Variants in ALOX12 observed in about 807,000 individuals in gnomAD.
ALOX12 encodes the protein arachidonate 12-lipoxygenase, 12S type.
Under a neutral mutation model 85.5 loss-of-function variants are expected in ALOX12, and 62 were observed. The ratio of observed to expected loss-of-function variants is 0.73; its 90% confidence interval spans 0.59 to 0.90. ALOX12 has a LOEUF of 0.90. Ranked by LOEUF, ALOX12 falls within the 40% of genes least tolerant of loss-of-function variation. The pLI is 0.00. For synonymous variants in ALOX12, 299 were observed against 332.7 expected, an observed-to-expected ratio of 0.90 and a Z score of 1.10; for missense variants, 751 against 856.5, an observed-to-expected ratio of 0.88 and a Z score of 1.54.
At position 7,006,692 on chromosome 17, in the gene ALOX12, C is replaced by T. The variant is rs1387783299; in HGVS notation, c.1540+85C>T. On this transcript the variant is annotated intron_variant, in intron 11 of 13. Coordinates refer to ENST00000251535, the MANE Select transcript of ALOX12 (RefSeq NM_000697.3). Reference sequence around the variant, plus strand: ...AGCCCTGCCCTTCTGGGGACAGGACCCCAGCCTCTCATCACGCCTCCCTTC... The same window carrying T: ...AGCCCTGCCCTTCTGGGGACAGGACTCCAGCCTCTCATCACGCCTCCCTTC... 1.4e-5 allele frequency: 21 copies of T among 1,486,894 alleles called. No homozygotes were observed. In the African/African-American group the frequency reaches 2.8e-4, roughly 20 times the overall value. 92.1% of individuals were successfully genotyped at this position (1,486,894 alleles called of 1,614,324 possible).
intron 8 of ALOX12, chr17:7,002,299 C>G: frequency 2.9e-6 from 1 of 343,710 alleles, no homozygotes; most frequent in Non-Finnish European, 5.7e-6. Flanking sequence ...CATACCTGCC[C>G]AACAGTAAGG....
chr17:7,002,181 G>T, intron 8 of ALOX12: 1 of 327,648 alleles, frequency 3.1e-6, no homozygotes. Flanking sequence ...AAATCACAAG[G>T]GACAGCCTAT....
At chr17:7,004,050 ATTT>A (rs1477454592) in intron 8 of ALOX12, among the ~76,000 whole-genome samples, 1 of 122,168 alleles carries the variant, frequency 8.2e-6, no homozygotes, top group Non-Finnish European at 1.7e-5. Context: ...ATATTTTAAT[ATTT>A]TTAATTTAAT....
chr17:7,007,124 C>G (rs1457773900), intron 11 of ALOX12, among the ~76,000 whole-genome samples: 1 of 152,200 alleles, frequency 6.6e-6, no homozygotes, highest in Non-Finnish European at 1.5e-5. Flanking sequence ...CAAGCTCAAT[C>G]CTATACATGC....
chr17:7,010,202 C>T (rs765475683), intron 13 of ALOX12, 42 bp from the exon 14 acceptor site: 11 of 1,601,144 alleles, frequency 6.9e-6, no homozygotes, highest in East Asian at 4.5e-5. Flanking sequence ...GCTCTAGGTG[C>T]GTTTGTCTTT....
intron 11 of ALOX12, among the ~76,000 whole-genome samples, chr17:7,008,900 T>G (rs12325805): frequency 0.099 from 15,067 of 152,104 alleles, 1,061 homozygotes; most frequent in Admixed American, 0.26. Context: ...TAATTCTGTC[T>G]GGGAATAGGA....
intron 1 of ALOX12, 132 bp from the exon 2 acceptor site, chr17:6,996,694 G>A (rs1401736539): frequency 1.7e-6 from 2 of 1,147,362 alleles, no homozygotes; most frequent in African/African-American, 1.6e-5. Flanking sequence ...AGGTTGTGCG[G>A]GGGCGGGAAC....
chr17:6,996,062 G>T lies in ALOX12; in HGVS notation c.-56G>T. The T allele has an allele frequency of 8.1e-7, 1 of 1,237,088 alleles. No homozygotes were observed. The highest frequency in any genetic ancestry group is 1.0e-6 in the Non-Finnish European group (1 of 986,050). 76.6% of individuals were successfully genotyped at this position (1,237,088 alleles called of 1,614,324 possible). A position where few individuals can be genotyped will look rare whatever the true frequency, so the allele number is the denominator to read the frequency against. The stretch of plus-strand genomic sequence containing the variant: ...CCCCGAGGCGCCGGCAGCCCTGGGC[G>T]GTCCCGGGAATCGCACAGGACCCGG... On this transcript the variant is annotated 5_prime_UTR_variant, in exon 1 of 14. Transcript: ENST00000251535.
chr17:7,000,424 C>A lies in ALOX12; in HGVS notation c.896C>A (p.Pro299His). Residue 299 changes from proline to histidine, a missense_variant, in exon 7 of 14, where the codon CCC becomes CAC. Physicochemically the swap from Pro to His is moderately conservative, Grantham distance 77. Transcript: ENST00000251535. The surrounding 1 kb of genome is among the most constrained non-coding windows in gnomAD (Gnocchi z 4.6). ...IRGEKQYLAA[P>H]LVMLKMEPNG... ...GGAGAGAAGCAATACCTGGCTGCCC[C>A]CCTCGTTATGCTGAAGATGGAGCCC... 6.2e-7 allele frequency: 1 copy of A among 1,614,092 alleles called. No homozygotes were observed. The highest frequency in any genetic ancestry group is 8.5e-7 in the Non-Finnish European group (1 of 1,180,016).
Position 7,001,801 on chromosome 17 carries a change from C to T in ALOX12, c.1151C>T (p.Pro384Leu). The T allele has an allele frequency of 1.2e-6, 2 of 1,613,846 alleles. No homozygotes were observed. The highest frequency in any genetic ancestry group is 1.7e-6 in the Non-Finnish European group (2 of 1,179,736). Residue 384 changes from proline (P) to leucine (L), a missense_variant, in exon 8 of 14, where the codon CCC (proline) becomes CTC (leucine). Coordinates refer to ENST00000251535, the MANE Select transcript of ALOX12 (RefSeq NM_000697.3). ...ATMRCLPGLH[P>L]IFKFLIPHIR... ...ATGCGGTGCCTCCCAGGACTGCACC[C>T]CATCTTCAAGGTACTTATTAATCTA...
intron 11 of ALOX12, chr17:7,009,350 C>T (rs1317063787): frequency 3.1e-5 from 6 of 192,976 alleles, no homozygotes; most frequent in East Asian, 1.4e-4. Context: ...TGAGCCACCG[C>T]GCCCGGCCGC....
intron 11 of ALOX12, among the ~76,000 whole-genome samples, chr17:7,009,195 G>A (rs1031275486): frequency 1.3e-5 from 2 of 151,902 alleles, no homozygotes; most frequent in African/African-American, 4.8e-5. Context: ...GAGTACCTGG[G>A]ACTACAGGTG....
chr17:7,009,059 T>C (rs1348881338), intron 11 of ALOX12, among the ~76,000 whole-genome samples: 4 of 149,518 alleles, frequency 2.7e-5, no homozygotes, highest in African/African-American at 7.4e-5. Context: ...CATCCCTCAA[T>C]TGGTTTTTTT....
chr17:7,001,574 G>A (rs915365625), intron 7 of ALOX12, 28 bp from the exon 8 acceptor site: 4 of 1,571,266 alleles, frequency 2.5e-6, no homozygotes, highest in South Asian at 1.1e-5. Context: ...ATACGGAATG[G>A]GAGTTCAATA....
Position 7,001,715 on chromosome 17 carries a change from C to CA in ALOX12, c.1065_1066insA (p.Glu356ArgfsTer14). ...TCCGAAATTCAGATTTCCAACTGCA[C>CA]GAGATCCAGTATCACTTGCTGAACA... On this transcript the variant is annotated frameshift_variant, in exon 8 of 14. Coordinates refer to ENST00000251535, the MANE Select transcript of ALOX12 (RefSeq NM_000697.3). LOFTEE classifies it high-confidence loss of function. 1 of 1,614,118 alleles carries CA rather than the reference C, an allele frequency of 6.2e-7. No homozygotes were observed. The highest frequency in any genetic ancestry group is 8.5e-7 in the Non-Finnish European group (1 of 1,179,978).
chr17:7,009,794 A>G lies in ALOX12; in HGVS notation c.1588A>G (p.Thr530Ala). 1 of 1,613,844 alleles carries G rather than the reference A, an allele frequency of 6.2e-7. No homozygotes were observed. ...CCAGAGTCAACTCTGCCATTTCCTC[A>G]CCATGTGCGTCTTCACGTGCACTGC... ...QSQSQLCHFLTMCVFTCTAQH... is the reference protein window; with the variant it reads ...QSQSQLCHFLAMCVFTCTAQH... Residue 530 changes from threonine (T) to alanine (A), a missense_variant, in exon 12 of 14, where the codon ACC becomes GCC. By Grantham distance (58) the Thr-to-Ala change is moderately conservative. Transcript: ENST00000251535.
intron 2 of ALOX12, among the ~76,000 whole-genome samples, chr17:6,997,800 T>C (rs1234446381): frequency 6.6e-6 from 1 of 152,018 alleles, no homozygotes; most frequent in Non-Finnish European, 1.5e-5. Flanking sequence ...GACCTCGTGA[T>C]CCGCCCTCCT....
chr17:6,996,546 C>T (rs1196595168), intron 1 of ALOX12, among the ~76,000 whole-genome samples: 1 of 150,860 alleles, frequency 6.6e-6, no homozygotes, highest in African/African-American at 2.4e-5. Context: ...AGAGGTCAGA[C>T]GTGAAGCTCC....
intron 9 of ALOX12, 131 bp downstream of exon 9, chr17:7,005,474 C>CTT (rs35201122): frequency 0.06 from 13,217 of 220,208 alleles, 246 homozygotes; most frequent in South Asian, 0.087. Context: ...ATACCCATGT[C>CTT]TTTTTTTTTT....
Sources: gnomAD v4.1 joint callset for allele counts (sites outside exome capture counted in the v4.1 genomes callset) on GRCh38, gnomAD v4.1.1 for gene constraint, Gnocchi (gnomAD v3.1) non-coding constraint, MANE v1.5 for transcripts, NCBI Gene and HGNC (gene_info 2026-07-23, HGNC 2026-07-21) for gene names.